ZNF365: variants seen among roughly 807,000 people sequenced by gnomAD.
ZNF365 encodes zinc finger protein 365.
Under a neutral mutation model 35.0 loss-of-function variants are expected in ZNF365, and 22 were observed. That is an observed-to-expected ratio of 0.63 (90% confidence interval 0.45 to 0.90). The LOEUF (loss-of-function observed/expected upper bound fraction) is 0.90, where lower values mean the gene tolerates loss of function less well. Among genes scored for constraint, ZNF365 ranks in the 40% least tolerant of loss-of-function variants. ZNF365 has a pLI of 0.00. For missense variants in ZNF365, 448 were observed against 500.3 expected (o/e 0.90, Z 1.00); for synonymous variants, 188 against 196.2 (o/e 0.96, Z 0.35).
intron 4 of ZNF365, among the ~76,000 whole-genome samples, chr10:62,461,163 T>C (rs1840840980): frequency 6.6e-6 from 1 of 152,178 alleles, no homozygotes; most frequent in South Asian, 2.1e-4. Context: ...CCCAGAAATA[T>C]GAGCGAGCAG....
intron 4 of ZNF365, among the ~76,000 whole-genome samples, chr10:62,399,030 A>G (rs1383491835): frequency 6.6e-6 from 1 of 152,226 alleles, no homozygotes; most frequent in Admixed American, 6.5e-5. Context: ...AGTATTATAT[A>G]GTATAACTTT....
intron 3 of ZNF365, among the ~76,000 whole-genome samples, chr10:62,415,103 A>G (rs1840052770): frequency 6.6e-6 from 1 of 151,982 alleles, no homozygotes; most frequent in South Asian, 2.1e-4. Context: ...GAACATATTA[A>G]TTACAGTAAA....
At chr10:62,469,329 A>G (rs1331720461) in intron 4 of ZNF365, among the ~76,000 whole-genome samples, 1 of 152,182 alleles carries the variant, frequency 6.6e-6, no homozygotes, top group Non-Finnish European at 1.5e-5. Context: ...ATCACAACAT[A>G]TTCACCTTAC....
intron 3 of ZNF365, among the ~76,000 whole-genome samples, chr10:62,449,065 T>C (rs1564593981): frequency 6.6e-6 from 1 of 152,120 alleles, no homozygotes; most frequent in Non-Finnish European, 1.5e-5. Context: ...GTTGAATCCA[T>C]GTGTGAGAGA....
chr10:62,472,380 T>C (rs955301515), intron 4 of ZNF365, among the ~76,000 whole-genome samples: 9 of 152,228 alleles, frequency 5.9e-5, no homozygotes, highest in Admixed American at 4.6e-4. Context: ...TAAACCTGAG[T>C]ATGCAGATGG....
downstream of ZNF365, among the ~76,000 whole-genome samples, chr10:62,405,497 T>A (rs1346667283): frequency 6.6e-6 from 1 of 152,164 alleles, no homozygotes; most frequent in Non-Finnish European, 1.5e-5. Flanking sequence ...TTCTGCCTCC[T>A]CATTGACAAA....
In ZNF365 at chr10:62,436,934, A is replaced by T. The variant is rs183358877; in HGVS notation, c.925-22807A>T. ...TCCAAAAAATGTGGCTAGCACACAC[A>T]CACACCAAGCATTTCAAACAAGACC... On this transcript the variant is annotated intron_variant, in intron 3 of 4. Transcript: ENST00000395255. 2.1e-3 allele frequency among the ~76,000 whole-genome samples: 321 copies of T among 152,306 alleles called. 3 individuals are homozygous for T. Among genetic ancestry groups the T allele is most frequent in the African/African-American group, 7.3e-3 (304 of 41,570 alleles).
In ZNF365 at chr10:62,376,791, G is replaced by A; in HGVS notation, c.598G>A (p.Ala200Thr). The change falls in exon 2 of 5, where the codon GCT becomes ACT. Residue 200 changes from alanine to threonine, a missense_variant. By Grantham distance (58) the Ala-to-Thr change is moderately conservative. Coordinates refer to ENST00000395254, the MANE Select transcript of ZNF365 (RefSeq NM_014951.3). ...TGCGGAACTGTTGGAAGTTCGGGCA[G>A]CTTTTGTGCAGCTGACTCAGAAAAA... is the stretch of plus-strand genomic sequence containing the variant. ...KTAELLEVRA[A>T]FVQLTQKKQE... The A allele has an allele frequency of 6.2e-7, 1 of 1,614,230 alleles. No individual in the cohort carries two copies. Among genetic ancestry groups the A allele is most frequent in the South Asian group, 1.1e-5 (1 of 91,086 alleles).
intron 4 of ZNF365, among the ~76,000 whole-genome samples, chr10:62,463,912 G>A (rs1048398308): frequency 6.6e-6 from 1 of 152,184 alleles, no homozygotes; most frequent in African/African-American, 2.4e-5. Context: ...TCCAACGGAT[G>A]AGAGACTCAA....
intron 2 of ZNF365, among the ~76,000 whole-genome samples, chr10:62,379,835 A>C (rs1839405870): frequency 1.3e-5 from 2 of 152,176 alleles, no homozygotes; most frequent in African/African-American, 4.8e-5. Flanking sequence ...TATTTTGCCA[A>C]GGACCATACC....
At chr10:62,413,224 A>G (rs1422081519) in intron 3 of ZNF365, among the ~76,000 whole-genome samples, 3 of 152,138 alleles carry the variant, frequency 2.0e-5, no homozygotes, top group African/African-American at 4.8e-5. Context: ...TATTTCCCAA[A>G]GTGTGTTCCA....
intron 4 of ZNF365, among the ~76,000 whole-genome samples, chr10:62,470,232 G>A (rs1218002232): frequency 6.6e-6 from 1 of 152,188 alleles, no homozygotes; most frequent in Non-Finnish European, 1.5e-5. Flanking sequence ...ATTTGTTAAT[G>A]AGCAAGCCAC....
chr10:62,392,236 CTTAAGT>C (rs1839643153), intron 3 of ZNF365, among the ~76,000 whole-genome samples: 1 of 151,970 alleles, frequency 6.6e-6, no homozygotes, highest in African/African-American at 2.4e-5. Context: ...GCTGTGCAGA[CTTAAGT>C]TTAAGTCTCA....
chr10:62,381,092 T>C (rs1402374021), intron 2 of ZNF365, among the ~76,000 whole-genome samples: 2 of 152,038 alleles, frequency 1.3e-5, no homozygotes, highest in African/African-American at 4.8e-5. Flanking sequence ...TTTTGAGAAG[T>C]GCCTCAATAT....
chr10:62,478,819 CT>C (rs1347640514), intron 4 of ZNF365, among the ~76,000 whole-genome samples: 1 of 152,208 alleles, frequency 6.6e-6, no homozygotes, highest in Non-Finnish European at 1.5e-5. Context: ...CGTGATCTGC[CT>C]GCCTCGGCCT....
chr10:62,381,318 A>G (rs1839434784), intron 2 of ZNF365, among the ~76,000 whole-genome samples: 1 of 152,124 alleles, frequency 6.6e-6, no homozygotes, highest in African/African-American at 2.4e-5. Context: ...TTCCTGCTGG[A>G]TAACACACTC....
intron 3 of ZNF365, among the ~76,000 whole-genome samples, chr10:62,451,524 C>T (rs1187568239): frequency 2.0e-5 from 3 of 152,118 alleles, no homozygotes; most frequent in African/African-American, 7.2e-5. Flanking sequence ...ACTCAAGGCC[C>T]ACTGAGGCAT....
At chr10:62,390,155 G>C (rs762691752) in intron 3 of ZNF365, among the ~76,000 whole-genome samples, 2 of 152,054 alleles carry the variant, frequency 1.3e-5, no homozygotes, top group Non-Finnish European at 2.9e-5. Context: ...CTTCTGACTG[G>C]GCAAGATAGT....
intron 3 of ZNF365, among the ~76,000 whole-genome samples, chr10:62,393,820 G>C (rs1158119504): frequency 6.6e-6 from 1 of 152,224 alleles, no homozygotes; most frequent in Non-Finnish European, 1.5e-5. Flanking sequence ...GACGAGAGCT[G>C]TGTATGAGTG....
Sources: gnomAD v4.1 joint callset for allele counts (sites outside exome capture counted in the v4.1 genomes callset) on GRCh38, gnomAD v4.1.1 for gene constraint, MANE v1.5 for transcripts, NCBI Gene and HGNC (gene_info 2026-07-23, HGNC 2026-07-21) for gene names.